TTC6: variants seen among roughly 807,000 people sequenced by gnomAD.
The protein encoded by TTC6 is tetratricopeptide repeat protein 6.
In TTC6, 172 loss-of-function variants were observed where a neutral mutation model predicts 210.4. The observed-to-expected ratio is 0.82, with a 90% CI of 0.72 to 0.93. The LOEUF is 0.93. Among genes scored for constraint, TTC6 ranks in the 40% least tolerant of loss-of-function variants. The pLI is 0.00. For synonymous variants in TTC6, 804 were observed against 819.6 expected, an observed-to-expected ratio of 0.98 and a Z score of 0.32; for missense variants, 2,414 against 2,318.1, an observed-to-expected ratio of 1.04 and a Z score of -0.85.
At chr14:37,630,181 A>T (rs1391610256) in intron 1 of TTC6, among the ~76,000 whole-genome samples, 1 of 152,104 alleles carries the variant, frequency 6.6e-6, no homozygotes, top group African/African-American at 2.4e-5. Context: ...TAGGGTATAG[A>T]TTTTAGATCT....
chr14:37,756,875 C>T (rs2095969538), intron 14 of TTC6, among the ~76,000 whole-genome samples: 1 of 152,114 alleles, frequency 6.6e-6, no homozygotes, highest in Admixed American at 6.5e-5. Flanking sequence ...AAATGAGTTA[C>T]AGAGGAGTCC....
chr14:37,826,304 G>T, exon 28 of TTC6: 1 of 1,610,598 alleles, frequency 6.2e-7, no homozygotes. Flanking sequence ...CTTCAGATGG[G>T]TAATAATTTT....
At chr14:37,769,292 G>T (rs2139164979) in intron 14 of TTC6, among the ~76,000 whole-genome samples, 1 of 151,604 alleles carries the variant, frequency 6.6e-6, no homozygotes, top group East Asian at 1.9e-4. Flanking sequence ...GCCCGGCTTT[G>T]GTATCAGAAT....
Position 37,826,413 on chromosome 14 carries a change from T to G in TTC6, c.5127+66T>G, listed in dbSNP as rs537217979. 5.0e-4 allele frequency: 665 copies of G among 1,332,208 alleles called. 8 individuals are homozygous for G. In the East Asian group the frequency reaches 0.016, roughly 33 times the overall value. The allele number at this position is 1,332,208 out of a possible 1,614,324, so 82.5% of individuals were successfully genotyped here. On this transcript the variant is annotated intron_variant, in intron 28 of 30. Transcript: ENST00000553443. ...AACACTGTCAATGAATAGGTGCAAG[T>G]AAGAAGTTCTCTGTTAGCTTTTTAA...
intron 7 of TTC6, among the ~76,000 whole-genome samples, chr14:37,731,038 C>T (rs2095884687): frequency 6.6e-6 from 1 of 152,080 alleles, no homozygotes; most frequent in Non-Finnish European, 1.5e-5. Flanking sequence ...ACAGTAGATT[C>T]TTGTCATTTG....
At chr14:37,617,150 G>A (rs1025786162), upstream of TTC6, among the ~76,000 whole-genome samples, 3 of 152,140 alleles carry the variant, frequency 2.0e-5, no homozygotes, top group African/African-American at 4.8e-5. Context: ...CGCTGGGATT[G>A]CAAGATGAGC....
intron 1 of TTC6, among the ~76,000 whole-genome samples, chr14:37,632,001 G>T (rs1767131609): frequency 6.6e-6 from 1 of 151,990 alleles, no homozygotes; most frequent in Non-Finnish European, 1.5e-5. Context: ...GGTTATTCTA[G>T]TTAGCAATTC....
intron 7 of TTC6, among the ~76,000 whole-genome samples, chr14:37,726,125 G>C (rs1207896664): frequency 6.6e-6 from 1 of 151,510 alleles, no homozygotes; most frequent in African/African-American, 2.4e-5. Context: ...TCAGTGATGA[G>C]CATCATTGTA....
At chr14:37,609,253 A>G (rs1566836684) in intron 2 of TTC6, among the ~76,000 whole-genome samples, 1 of 151,804 alleles carries the variant, frequency 6.6e-6, no homozygotes, top group Non-Finnish European at 1.5e-5. Context: ...TCTCTACAAT[A>G]TATATATATA....
chr14:37,832,448 G>A (rs1421498397), intron 29 of TTC6, among the ~76,000 whole-genome samples: 1 of 148,592 alleles, frequency 6.7e-6, no homozygotes. Flanking sequence ...TTTGATGTAG[G>A]CATTCAACTC....
intron 1 of TTC6, among the ~76,000 whole-genome samples, chr14:37,630,664 A>G (rs1448572071): frequency 6.6e-6 from 1 of 152,044 alleles, no homozygotes; most frequent in Admixed American, 6.6e-5. Flanking sequence ...TGATGTGTCT[A>G]ATATTGACAG....
Position 37,714,648 on chromosome 14 carries a change from A to T in TTC6, c.1572-7A>T. On this transcript the variant is annotated splice_polypyrimidine_tract_variant and splice_region_variant and intron_variant, in intron 5 of 30. Coordinates refer to ENST00000553443, the Ensembl canonical transcript of TTC6. ...AAAGCAAACTTATTGTTCTTATCACATTGTAGAATATTGTATGGAATTCCT... is the reference window on the plus strand; with the variant it reads ...AAAGCAAACTTATTGTTCTTATCACTTTGTAGAATATTGTATGGAATTCCT... 1 of 1,532,868 alleles carries T rather than the reference A, an allele frequency of 6.5e-7. No homozygotes were observed. The highest frequency in any genetic ancestry group is 1.2e-5 in the South Asian group (1 of 83,708). The allele number at this position is 1,532,868 out of a possible 1,614,324, so 95.0% of individuals were successfully genotyped here.
intron 6 of TTC6, among the ~76,000 whole-genome samples, chr14:37,716,417 A>G (rs1437459340): frequency 6.6e-6 from 1 of 152,056 alleles, no homozygotes; most frequent in Non-Finnish European, 1.5e-5. Flanking sequence ...AAAACACATG[A>G]CCCAGATATA....
At chr14:37,746,554 T>G (rs1200634315) in intron 10 of TTC6, among the ~76,000 whole-genome samples, 5 of 152,188 alleles carry the variant, frequency 3.3e-5, no homozygotes, top group African/African-American at 1.2e-4. Flanking sequence ...TGATGCATGC[T>G]GAAGTTTGAG....
chr14:37,809,626 C>T (rs1017687506), intron 24 of TTC6, among the ~76,000 whole-genome samples: 23 of 152,156 alleles, frequency 1.5e-4, no homozygotes, highest in Non-Finnish European at 2.9e-5. Context: ...TCAGACCACA[C>T]ATGTAGCAGG....
intron 2 of TTC6, among the ~76,000 whole-genome samples, chr14:37,607,937 C>T (rs2139238221): frequency 6.6e-6 from 1 of 152,320 alleles, no homozygotes; most frequent in South Asian, 2.1e-4. Flanking sequence ...CACTCCCATG[C>T]ACATACTCTT....
At chr14:37,716,763 T>G (rs1265015811) in intron 6 of TTC6, among the ~76,000 whole-genome samples, 2 of 152,056 alleles carry the variant, frequency 1.3e-5, no homozygotes, top group Non-Finnish European at 2.9e-5. Context: ...TCTCAAAAAT[T>G]CATAGAACAC....
chr14:37,638,805 C>T (rs2095685943), intron 1 of TTC6, among the ~76,000 whole-genome samples: 1 of 152,116 alleles, frequency 6.6e-6, no homozygotes, highest in Non-Finnish European at 1.5e-5. Context: ...TATGAATCTA[C>T]AGTCATCTCA....
At chr14:37,675,729 G>C (rs2095767674) in intron 1 of TTC6, among the ~76,000 whole-genome samples, 1 of 150,280 alleles carries the variant, frequency 6.7e-6, no homozygotes. Context: ...TCCTAGTCAA[G>C]TCTTGTTATT....
Sources: allele counts gnomAD v4.1 joint callset (sites outside exome capture counted in the v4.1 genomes callset), GRCh38; gene constraint gnomAD v4.1.1; transcripts MANE v1.5; gene names NCBI Gene and HGNC (gene_info 2026-07-23, HGNC 2026-07-21).